The following AHCTF1 variants were observed in gnomAD, a reference collection of about 807,000 sequenced individuals.
AHCTF1 encodes the protein AT-hook containing transcription factor 1, also known as protein ELYS.
Under a neutral mutation model 248.4 loss-of-function variants are expected in AHCTF1, and 24 were observed. The ratio of observed to expected loss-of-function variants is 0.10; its 90% CI spans 0.07 to 0.14. The LOEUF is 0.14. AHCTF1 is among the 10% of genes least tolerant of loss of function. AHCTF1 has a pLI of 1.00. For missense variants in AHCTF1, 2,206 were observed against 2,636.2 expected, an observed-to-expected ratio of 0.84 and a Z score of 3.57; for synonymous variants, 786 against 929.8, an observed-to-expected ratio of 0.85 and a Z score of 2.81.
At chr1:246,895,734 T>C (rs967665643) in intron 13 of AHCTF1, 101 bp downstream of exon 13, 13 of 984,356 alleles carry the variant, frequency 1.3e-5, no homozygotes, top group Non-Finnish European at 1.9e-5. Flanking sequence ...ATGTGGATCT[T>C]CAATTATATC....
chr1:246,925,404 T>C (rs902239806), intron 1 of AHCTF1, among the ~76,000 whole-genome samples: 3 of 152,190 alleles, frequency 2.0e-5, no homozygotes, highest in Non-Finnish European at 4.4e-5. Flanking sequence ...GTTATGTTGT[T>C]TGAATGCAAA....
intron 12 of AHCTF1, among the ~76,000 whole-genome samples, chr1:246,897,856 T>C (rs993830285): frequency 6.6e-6 from 1 of 150,972 alleles, no homozygotes; most frequent in South Asian, 2.1e-4. Flanking sequence ...TGCCTGTCTG[T>C]AGTCCTAGCT....
In AHCTF1 at chr1:246,892,078, C is replaced by T. The variant is rs1342916149; in HGVS notation, c.1805-159G>A. 3.3e-5 allele frequency among the ~76,000 whole-genome samples: 5 copies of T among 152,044 alleles called. No homozygotes were observed. The East Asian group carries it at 9.6e-4, about 29-fold the overall frequency. On this transcript the variant is annotated intron_variant, in intron 14 of 35. Coordinates refer to ENST00000648844, the MANE Select transcript of AHCTF1 (RefSeq NM_001323342.2). ...TAGAAATGGCAAAACCTCCAAGGAA[C>T]CTAAAAAGTGCTTTCAATATAAAAC... is the stretch of plus-strand genomic sequence containing the variant.
chr1:246,888,179 T>C lies in AHCTF1; in HGVS notation c.2323A>G (p.Ile775Val), dbSNP rs150619640. ...CTGGATAAAACTTAAAAGGATACAA[T>C]AGAGTGTTTGGCTGCTTCAGTAACG... ...DGVTEAAKHSITIYLLLDIMY... is the reference protein window; with the variant it reads ...DGVTEAAKHSVTIYLLLDIMY... The change falls in exon 19 of 36, where the codon ATT becomes GTT. Residue 775 changes from isoleucine to valine, a missense_variant and splice_region_variant. Physicochemically the swap from Ile to Val is conservative, Grantham distance 29. Around this residue, in one of 6 missense-constraint regions of AHCTF1, gnomAD observed 650 missense variants for 870.8 expected, o/e 0.75. Coordinates refer to ENST00000648844, the MANE Select transcript of AHCTF1 (RefSeq NM_001323342.2). The C allele has an allele frequency of 1.1e-4, 178 of 1,613,972 alleles. 1 individual carries two copies. In the Middle Eastern group the frequency reaches 2.1e-3, roughly 19 times the overall value.
chr1:246,907,027 G>A (rs372932409), intron 5 of AHCTF1, among the ~76,000 whole-genome samples: 1 of 152,126 alleles, frequency 6.6e-6, no homozygotes, highest in East Asian at 1.9e-4. Context: ...TTCAGTCATT[G>A]TGCAAACATC....
intron 1 of AHCTF1, among the ~76,000 whole-genome samples, chr1:246,920,497 C>A (rs1032198795): frequency 6.6e-6 from 1 of 152,260 alleles, no homozygotes; most frequent in South Asian, 2.1e-4. Flanking sequence ...ACCAGCCGGG[C>A]GTGGTGGCTC....
Position 246,851,335 on chromosome 1 carries a change from A to G in AHCTF1, c.4671T>C (p.Phe1557=). Residue 1557 remains phenylalanine, a synonymous_variant, in exon 33 of 36, where the codon TTT becomes TTC. Transcript: ENST00000648844. ...PSGTLKLQYN[F]DTIDQQFCDL... ...CACAAAACTGTTGGTCAATAGTATCAAAATTGTACTGAAGCTTAAGTGTTC... is the reference window on the plus strand; with the variant it reads ...CACAAAACTGTTGGTCAATAGTATCGAAATTGTACTGAAGCTTAAGTGTTC... The G allele has an allele frequency of 6.2e-7, 1 of 1,614,162 alleles. No individual in the cohort carries two copies. The highest frequency in any genetic ancestry group is 8.5e-7 in the Non-Finnish European group (1 of 1,180,008).
intron 29 of AHCTF1, among the ~76,000 whole-genome samples, chr1:246,860,274 TAAATAAA>T (rs1661440397): frequency 6.6e-6 from 1 of 152,076 alleles, no homozygotes; most frequent in African/African-American, 2.4e-5. Context: ...TCTCAAAAAT[TAAATAAA>T]TAAAAATTGC....
intron 21 of AHCTF1, among the ~76,000 whole-genome samples, chr1:246,884,008 G>A (rs1663639217): frequency 6.6e-6 from 1 of 152,156 alleles, no homozygotes; most frequent in South Asian, 2.1e-4. Flanking sequence ...TCTGACGTAA[G>A]CATTAGTGAT....
intron 2 of AHCTF1, 147 bp from the exon 3 acceptor site, chr1:246,916,542 C>T: frequency 1.3e-6 from 1 of 782,070 alleles, no homozygotes; most frequent in Non-Finnish European, 2.0e-6. Context: ...AAGCAACTAT[C>T]ATTACAATAA....
intron 28 of AHCTF1, 76 bp downstream of exon 28, chr1:246,861,883 A>G (rs1661579081): frequency 1.6e-6 from 2 of 1,248,340 alleles, no homozygotes; most frequent in Non-Finnish European, 2.2e-6. Context: ...AACTTGATTT[A>G]TCTAACTTTT....
At chr1:246,930,331 T>C (rs888827048) in intron 1 of AHCTF1, among the ~76,000 whole-genome samples, 1 of 151,920 alleles carries the variant, frequency 6.6e-6, no homozygotes, top group African/African-American at 2.4e-5. Flanking sequence ...GTTTTAAAAA[T>C]TTTTTCAAGA....
intron 31 of AHCTF1, among the ~76,000 whole-genome samples, chr1:246,854,909 A>G (rs1661003448): frequency 6.6e-6 from 1 of 152,192 alleles, no homozygotes; most frequent in African/African-American, 2.4e-5. Flanking sequence ...ACAAAAATTC[A>G]GGAAAGACAC....
At chr1:246,854,788 G>C (rs1280585783) in intron 31 of AHCTF1, among the ~76,000 whole-genome samples, 1 of 150,332 alleles carries the variant, frequency 6.7e-6, no homozygotes, top group Admixed American at 6.6e-5. Context: ...GTGCAGAACT[G>C]GGAAGTGCAG....
intron 5 of AHCTF1, 148 bp downstream of exon 5, chr1:246,907,403 T>TAA: frequency 1.5e-6 from 1 of 688,756 alleles, no homozygotes; most frequent in South Asian, 2.0e-5. Context: ...TTTAATGCCA[T>TAA]GAAAAATTAG....
intron 27 of AHCTF1, 123 bp from the exon 28 acceptor site, chr1:246,862,276 C>T (rs541594586): frequency 6.8e-5 from 39 of 576,216 alleles, no homozygotes; most frequent in African/African-American, 2.3e-4. Flanking sequence ...GTCAGGAGAT[C>T]GAGACCATCC....
intron 12 of AHCTF1, 37 bp from the exon 13 acceptor site, chr1:246,895,962 G>C: frequency 1.9e-6 from 3 of 1,557,020 alleles, no homozygotes; most frequent in African/African-American, 2.7e-5. Flanking sequence ...GAAATGGAAA[G>C]AAAGAGGGTG....
At chr1:246,856,680 C>T (rs1384975421) in intron 30 of AHCTF1, among the ~76,000 whole-genome samples, 1 of 152,142 alleles carries the variant, frequency 6.6e-6, no homozygotes, top group Admixed American at 6.5e-5. Flanking sequence ...ATTCAAAAAA[C>T]ATTACAATGA....
At chr1:246,858,423 T>A (rs1661267020) in intron 29 of AHCTF1, among the ~76,000 whole-genome samples, 1 of 152,204 alleles carries the variant, frequency 6.6e-6, no homozygotes, top group African/African-American at 2.4e-5. Context: ...AGCCTAAGGT[T>A]ATACTGCGTA....
Sources: gnomAD v4.1 joint callset for allele counts (sites outside exome capture counted in the v4.1 genomes callset) on GRCh38, gnomAD v4.1.1 for gene constraint, gnomAD v4.1.1 regional missense constraint, MANE v1.5 for transcripts, NCBI Gene and HGNC (gene_info 2026-07-23, HGNC 2026-07-21) for gene names.